The following ZC3H12C variants were observed in gnomAD, a reference collection of about 807,000 sequenced individuals.
ZC3H12C encodes zinc finger CCCH-type containing 12C, also known as probable ribonuclease ZC3H12C.
In ZC3H12C, 20 loss-of-function variants were observed where a neutral mutation model predicts 76.3. That is an observed-to-expected ratio of 0.26 (90% CI 0.18 to 0.38). ZC3H12C has a LOEUF of 0.38. Ranked by LOEUF, ZC3H12C falls within the 10% of genes least tolerant of loss-of-function variation. The pLI is 1.00. For synonymous variants in ZC3H12C, 352 were observed against 399.6 expected (o/e 0.88, Z 1.42); for missense variants, 874 against 1,086.5 (o/e 0.80, Z 2.75).
chr11:110,139,682 A>G (rs1263973414), intron 2 of ZC3H12C, among the ~76,000 whole-genome samples: 2 of 152,198 alleles, frequency 1.3e-5, no homozygotes, highest in Non-Finnish European at 2.9e-5. Flanking sequence ...ACCAAAAGCC[A>G]TAAAATTGCC....
intron 1 of ZC3H12C, chr11:110,130,879 G>C: frequency 1.5e-6 from 1 of 651,246 alleles, no homozygotes; most frequent in Non-Finnish European, 2.6e-6. Context: ...CCTGACGCAG[G>C]GTGCTGAGGT....
At chr11:110,102,765 A>G (rs1460806912) in intron 1 of ZC3H12C, among the ~76,000 whole-genome samples, 1 of 152,164 alleles carries the variant, frequency 6.6e-6, no homozygotes, top group Non-Finnish European at 1.5e-5. Flanking sequence ...TCTTATATTG[A>G]GAAATTGCCA....
rs200240485 is a variant in ZC3H12C, at chr11:110,159,271, G to A, written c.929G>A (p.Arg310His). 3.2e-5 allele frequency: 51 copies of A among 1,609,682 alleles called. No homozygotes were observed. Among genetic ancestry groups the A allele is most frequent in the Admixed American group, 1.3e-4 (8 of 59,472 alleles). Residue 310 changes from arginine (R) to histidine (H), a missense_variant, in exon 4 of 6, where the codon CGT becomes CAT. Physicochemically the swap from Arg to His is conservative, Grantham distance 29 (BLOSUM62 0). Coordinates refer to ENST00000278590, the MANE Select transcript of ZC3H12C (RefSeq NM_033390.2). ...ATTCTTGCAGATCAGGAAATTTTACGTAAATTAGAGAAGGAGAAAATCCTG... is the reference window on the plus strand; with the variant it reads ...ATTCTTGCAGATCAGGAAATTTTACATAAATTAGAGAAGGAGAAAATCCTG... ...DALITDQEILRKLEKEKILVF... is the reference protein window; with the variant it reads ...DALITDQEILHKLEKEKILVF...
In ZC3H12C at chr11:110,098,082, G is replaced by A. The variant is rs115971805; in HGVS notation, c.21+4650G>A. 2.2e-3 allele frequency among the ~76,000 whole-genome samples: 332 copies of A among 152,208 alleles called. 4 individuals are homozygous for A. The highest frequency in any genetic ancestry group is 7.6e-3 in the African/African-American group (316 of 41,522). On this transcript the variant is annotated intron_variant, in intron 1 of 5. Transcript: ENST00000278590. ...TCTATCAGGAGGTATTTCAGAAGGCGGCATTATCATAGGAGGTGACAGTGC... is the reference window on the plus strand; with the variant it reads ...TCTATCAGGAGGTATTTCAGAAGGCAGCATTATCATAGGAGGTGACAGTGC...
chr11:110,093,821 C>A (rs1303737328), intron 1 of ZC3H12C, among the ~76,000 whole-genome samples: 1 of 152,120 alleles, frequency 6.6e-6, no homozygotes, highest in Non-Finnish European at 1.5e-5. Flanking sequence ...CACTGCGCTG[C>A]CCCAGCGGCT....
At chr11:110,103,615 T>C (rs960260410) in intron 1 of ZC3H12C, among the ~76,000 whole-genome samples, 4 of 151,760 alleles carry the variant, frequency 2.6e-5, no homozygotes, top group Admixed American at 1.3e-4. Flanking sequence ...TTTTTTTTGT[T>C]TTTTTTTTGA....
chr11:110,098,032 T>G (rs562496516), intron 1 of ZC3H12C, among the ~76,000 whole-genome samples: 10 of 152,322 alleles, frequency 6.6e-5, no homozygotes, highest in Admixed American at 6.5e-4. Flanking sequence ...AAAAAAAAGT[T>G]AACTGTAAAA....
At chr11:110,104,479 G>A (rs1227363162) in intron 1 of ZC3H12C, among the ~76,000 whole-genome samples, 2 of 152,170 alleles carry the variant, frequency 1.3e-5, no homozygotes, top group Non-Finnish European at 2.9e-5. Flanking sequence ...GACTTACGCT[G>A]TGGATTGTGA....
chr11:110,115,298 CATTT>C (rs961748768), intron 1 of ZC3H12C, among the ~76,000 whole-genome samples: 1 of 151,188 alleles, frequency 6.6e-6, no homozygotes, highest in Admixed American at 6.6e-5. Context: ...TTTATTTTTT[CATTT>C]ATTTATTTAT....
rs950584788 is a variant in ZC3H12C, at chr11:110,169,486, A to G, written c.*3749A>G. On this transcript the variant is annotated 3_prime_UTR_variant, in exon 6 of 6. Transcript: ENST00000278590. ...TTGCTCTCCAACTTCCTTATTCAAGATAAAATAAGACATACAGTTTTCTGG... is the reference window on the plus strand; with the variant it reads ...TTGCTCTCCAACTTCCTTATTCAAGGTAAAATAAGACATACAGTTTTCTGG... The G allele has an allele frequency of 6.6e-6, 1 of 152,050 alleles. No individual in the cohort carries two copies. The highest frequency in any genetic ancestry group is 2.4e-5 in the African/African-American group (1 of 41,408). 9.4% of individuals were successfully genotyped at this position (152,050 alleles called of 1,614,324 possible).
At position 110,159,270 on chromosome 11, in the gene ZC3H12C, C is replaced by T. The variant is rs373315500; in HGVS notation, c.928C>T (p.Arg310Cys). 4.3e-6 allele frequency: 7 copies of T among 1,609,512 alleles called. No individual in the cohort carries two copies. Among genetic ancestry groups the T allele is most frequent in the African/African-American group, 1.3e-5 (1 of 74,978 alleles). The change falls in exon 4 of 6, where the codon CGT becomes TGT. Residue 310 changes from arginine (R) to cysteine (C), a missense_variant. Physicochemically the swap from Arg to Cys is radical, Grantham distance 180 (BLOSUM62 -3). This residue lies in a region of ZC3H12C where 269 missense variants were observed against 424.9 expected (regional missense o/e 0.63). Transcript: ENST00000278590. ...DALITDQEIL[R>C]KLEKEKILVF... ...TATTCTTGCAGATCAGGAAATTTTA[C>T]GTAAATTAGAGAAGGAGAAAATCCT...
At chr11:110,156,191 A>C in intron 3 of ZC3H12C, among the ~76,000 whole-genome samples, 1 of 113,146 alleles carries the variant, frequency 8.8e-6, no homozygotes, top group Non-Finnish European at 2.0e-5. Context: ...ACCCCAGGGT[A>C]ATAATTCTCT....
rs757818990 is a variant in ZC3H12C, at chr11:110,136,800, G to A, written c.159G>A (p.Gln53=). ...GHLYVESTDP[Q]LSPAVPWSTV... is the part of the protein sequence containing the mutation. ...TTTATGTGGAGAGCACTGACCCACA[G>A]TTAAGTCCAGCTGTACCTTGGTCAA... The change falls in exon 2 of 6, where the codon CAG becomes CAA. Residue 53 remains glutamine (Q), a synonymous_variant. Transcript: ENST00000278590. The A allele has an allele frequency of 2.3e-5, 37 of 1,613,832 alleles. No individual in the cohort carries two copies. The South Asian group carries it at 4.0e-4, about 17-fold the overall frequency.
chr11:110,122,703 G>A (rs1861672353), intron 1 of ZC3H12C, among the ~76,000 whole-genome samples: 1 of 152,172 alleles, frequency 6.6e-6, no homozygotes, highest in African/African-American at 2.4e-5. Context: ...ATTATAAACT[G>A]GGCTTTGTGT....
At chr11:110,115,748 CTTTT>C (rs71476067) in intron 1 of ZC3H12C, among the ~76,000 whole-genome samples, 3 of 120,308 alleles carry the variant, frequency 2.5e-5, no homozygotes, top group Non-Finnish European at 3.4e-5. Context: ...TTCTCATTTT[CTTTT>C]TTTTTTTTTT....
intron 1 of ZC3H12C, 81 bp from the exon 2 acceptor site, chr11:110,136,582 G>C (rs1861962918): frequency 5.5e-6 from 8 of 1,451,980 alleles, no homozygotes; most frequent in Non-Finnish European, 7.5e-6. Flanking sequence ...GAGTAGTTGA[G>C]TAATTCTCTT....
intron 2 of ZC3H12C, among the ~76,000 whole-genome samples, chr11:110,139,288 A>G (rs533059913): frequency 3.1e-4 from 47 of 152,358 alleles, no homozygotes; most frequent in African/African-American, 1.1e-3. Context: ...CTAAAAGCCT[A>G]TATTCTTCAT....
rs576113443 is a variant in ZC3H12C at position 110,103,913 on chromosome 11, T to A, written c.21+10481T>A. Among the ~76,000 whole-genome samples, 5 of 152,262 alleles carry A rather than the reference T, an allele frequency of 3.3e-5. No homozygotes were observed. In the East Asian group the frequency reaches 9.7e-4, roughly 29 times the overall value. ...CCACCGCGCCTGGCAGTTACTGAGA[T>A]TTCTAATTTATCCTAAGTGGCATAG... is the stretch of plus-strand genomic sequence containing the variant. On this transcript the variant is annotated intron_variant, in intron 1 of 5. Coordinates refer to ENST00000278590, the MANE Select transcript of ZC3H12C (RefSeq NM_033390.2).
chr11:110,136,449 C>T (rs1251195644), intron 1 of ZC3H12C: 6 of 536,198 alleles, frequency 1.1e-5, no homozygotes, highest in Middle Eastern at 5.0e-4. Flanking sequence ...TACTTTGTTG[C>T]CTTGGAGGAA....
Sources: gnomAD v4.1 joint callset for allele counts (sites outside exome capture counted in the v4.1 genomes callset) on GRCh38, gnomAD v4.1.1 for gene constraint, gnomAD v4.1.1 regional missense constraint, MANE v1.5 for transcripts, NCBI Gene and HGNC (gene_info 2026-07-23, HGNC 2026-07-21) for gene names.